The following EDAR variants were observed in gnomAD, a reference collection of about 807,000 sequenced individuals.
The protein encoded by EDAR is ectodysplasin A receptor, also known as tumor necrosis factor receptor superfamily member EDAR.
EDAR carries 38 observed loss-of-function variants against 51.3 expected under a neutral mutation model. The observed-to-expected ratio is 0.74, with a 90% CI of 0.57 to 0.97. The LOEUF (loss-of-function observed/expected upper bound fraction) is 0.97, where lower values mean the gene tolerates loss of function less well. Among genes scored for constraint, EDAR ranks in the 50% least tolerant of loss-of-function variants. The probability of loss-of-function intolerance (pLI) is 0.00; values close to 1 mark genes in which losing one functional copy is unlikely to be tolerated. For synonymous variants in EDAR, 227 were observed against 242.1 expected, an observed-to-expected ratio of 0.94 and a Z score of 0.58; for missense variants, 528 against 595.0, an observed-to-expected ratio of 0.89 and a Z score of 1.17.
intron 1 of EDAR, among the ~76,000 whole-genome samples, chr2:108,977,355 G>A (rs1056927595): frequency 2.6e-5 from 4 of 152,114 alleles, no homozygotes; most frequent in Non-Finnish European, 4.4e-5. Context: ...TGCAAGCTGC[G>A]CCTCCCGGGT....
chr2:108,910,884 C>G (rs764367022), intron 7 of EDAR, 34 bp from the exon 8 acceptor site: 16 of 1,613,966 alleles, frequency 9.9e-6, no homozygotes, highest in Non-Finnish European at 1.2e-5. Context: ...CAGCCAGGCT[C>G]TCCGACAGGG....
At chr2:108,916,311 G>T (rs117984554) in intron 5 of EDAR, among the ~76,000 whole-genome samples, 3 of 152,196 alleles carry the variant, frequency 2.0e-5, no homozygotes, top group Non-Finnish European at 2.9e-5. Context: ...GTCCCTTCCT[G>T]TCGGGGCTCG....
intron 5 of EDAR, among the ~76,000 whole-genome samples, chr2:108,916,100 A>G (rs1170568203): frequency 1.3e-5 from 2 of 152,038 alleles, no homozygotes; most frequent in Non-Finnish European, 2.9e-5. Flanking sequence ...AGCCTCCCAC[A>G]CTTCATCAGG....
At chr2:108,977,695 A>G (rs1698348984) in intron 1 of EDAR, among the ~76,000 whole-genome samples, 1 of 152,038 alleles carries the variant, frequency 6.6e-6, no homozygotes, top group African/African-American at 2.4e-5. Flanking sequence ...TGTTGTTTCA[A>G]ATGCTGACAA....
At chr2:108,947,540 T>A (rs965803495) in intron 1 of EDAR, among the ~76,000 whole-genome samples, 2 of 152,198 alleles carry the variant, frequency 1.3e-5, no homozygotes, top group African/African-American at 2.4e-5. Context: ...ATACATACTC[T>A]GAAATCTAGG....
intron 10 of EDAR, 64 bp downstream of exon 10, chr2:108,907,796 T>C: frequency 6.3e-7 from 1 of 1,594,820 alleles, no homozygotes; most frequent in South Asian, 1.1e-5. Flanking sequence ...TAAGAAAGTT[T>C]TAGTCTTGCG....
At chr2:108,978,288 C>T (rs1282278075) in intron 1 of EDAR, among the ~76,000 whole-genome samples, 1 of 152,196 alleles carries the variant, frequency 6.6e-6, no homozygotes, top group Non-Finnish European at 1.5e-5. Flanking sequence ...GTTAAATACA[C>T]CATCCATGTC....
chr2:108,972,448 C>T (rs940934081), intron 1 of EDAR, among the ~76,000 whole-genome samples: 2 of 152,256 alleles, frequency 1.3e-5, no homozygotes, highest in African/African-American at 4.8e-5. Context: ...TTCATGCCAA[C>T]GTGCCAGACA....
chr2:108,943,042 C>A, intron 1 of EDAR, among the ~76,000 whole-genome samples: 1 of 152,200 alleles, frequency 6.6e-6, no homozygotes, highest in East Asian at 1.9e-4. Flanking sequence ...TATAAATAAC[C>A]ATTACATGTC....
In EDAR at chr2:108,910,982, A is replaced by T; in HGVS notation, c.620T>A (p.Met207Lys). ...IMAIAIVLII[M>K]FYILKTKPSA... ...GGGCTTTGTCTTCAGGATGTAGAAC[A>T]TGATGATGAGGACGATGGCGATGGC... The change falls in exon 7 of 12, where the codon ATG becomes AAG. Residue 207 changes from methionine (M) to lysine (K), a missense_variant. Physicochemically the swap from Met to Lys is moderately conservative, Grantham distance 95. Transcript: ENST00000258443. 6.2e-7 allele frequency: 1 copy of T among 1,614,154 alleles called. No individual in the cohort carries two copies. Among genetic ancestry groups the T allele is most frequent in the Non-Finnish European group, 8.5e-7 (1 of 1,180,016 alleles).
At chr2:108,935,450 G>C (rs1406248881) in intron 1 of EDAR, among the ~76,000 whole-genome samples, 2 of 152,200 alleles carry the variant, frequency 1.3e-5, no homozygotes, top group Non-Finnish European at 2.9e-5. Context: ...GGTGGTCTGT[G>C]TGCACATTAA....
intron 1 of EDAR, among the ~76,000 whole-genome samples, chr2:108,976,596 C>T (rs774110110): frequency 2.0e-5 from 3 of 152,192 alleles, no homozygotes; most frequent in South Asian, 2.1e-4. Flanking sequence ...TTCCTCTGCA[C>T]GGGAGACCTG....
At position 108,911,090 on chromosome 2, in the gene EDAR, G is replaced by C. The variant is rs1206440100; in HGVS notation, c.530-18C>G. On this transcript the variant is annotated intron_variant, in intron 6 of 11. Coordinates refer to ENST00000258443, the MANE Select transcript of EDAR (RefSeq NM_022336.4). ...TGAGAGTTCTGTGGGTGGAGAGAAGGCATGAATGACCCAGAGCTCAGGATC... is the reference window on the plus strand; with the variant it reads ...TGAGAGTTCTGTGGGTGGAGAGAAGCCATGAATGACCCAGAGCTCAGGATC... 1 of 1,614,006 alleles carries C rather than the reference G, an allele frequency of 6.2e-7. No individual in the cohort carries two copies. The highest frequency in any genetic ancestry group is 8.5e-7 in the Non-Finnish European group (1 of 1,180,008).
At chr2:108,986,639 A>G (rs1698506221) in intron 1 of EDAR, among the ~76,000 whole-genome samples, 1 of 152,186 alleles carries the variant, frequency 6.6e-6, no homozygotes, top group African/African-American at 2.4e-5. Context: ...CTGAGCCTCA[A>G]TTTCCTTATT....
chr2:108,949,882 C>T (rs560717086), intron 1 of EDAR, among the ~76,000 whole-genome samples: 84 of 152,300 alleles, frequency 5.5e-4, no homozygotes, highest in Non-Finnish European at 8.5e-4. Flanking sequence ...AGTAATATGT[C>T]CCTTCCAAAT....
chr2:108,963,423 T>C (rs2104412556), intron 1 of EDAR, among the ~76,000 whole-genome samples: 1 of 152,212 alleles, frequency 6.6e-6, no homozygotes, highest in South Asian at 2.1e-4. Context: ...ACAAGGACAT[T>C]TAAAAAAATT....
chr2:108,980,511 T>A (rs532487694), intron 1 of EDAR, among the ~76,000 whole-genome samples: 1 of 152,268 alleles, frequency 6.6e-6, no homozygotes, highest in East Asian at 1.9e-4. Context: ...ATTATGTGTG[T>A]ATGTATATAT....
intron 1 of EDAR, among the ~76,000 whole-genome samples, chr2:108,961,208 A>C (rs191802091): frequency 6.6e-6 from 1 of 152,178 alleles, no homozygotes; most frequent in Non-Finnish European, 1.5e-5. Context: ...AAGAAGACTG[A>C]CCATAATTTT....
chr2:108,986,471 T>C (rs551274504), intron 1 of EDAR, among the ~76,000 whole-genome samples: 1 of 152,260 alleles, frequency 6.6e-6, no homozygotes, highest in African/African-American at 2.4e-5. Context: ...TGTGTCAGTG[T>C]TGGAGGCAGA....
Sources: gnomAD v4.1 joint callset for allele counts (sites outside exome capture counted in the v4.1 genomes callset) on GRCh38, gnomAD v4.1.1 for gene constraint, MANE v1.5 for transcripts, NCBI Gene and HGNC (gene_info 2026-07-23, HGNC 2026-07-21) for gene names.